The following PCDHA6 variants were observed in gnomAD, a reference collection of about 807,000 sequenced individuals.
PCDHA6 encodes the protein protocadherin alpha 6.
A neutral mutation model predicts 60.3 loss-of-function variants in PCDHA6; 55 were observed. The observed-to-expected ratio is 0.91, with a 90% confidence interval of 0.73 to 1.14. The LOEUF is 1.14. Ranked by LOEUF, PCDHA6 falls within the 50% of genes most tolerant of loss-of-function variation. The pLI is 0.00. For synonymous variants in PCDHA6, 652 were observed against 557.9 expected, an observed-to-expected ratio of 1.17 and a Z score of -2.38; for missense variants, 1,327 against 1,256.5, an observed-to-expected ratio of 1.06 and a Z score of -0.85.
At chr5:140,884,378 A>G (rs781954919) in intron 1 of PCDHA6, 3 of 1,613,952 alleles carry the variant, frequency 1.9e-6, no homozygotes, top group Non-Finnish European at 2.5e-6. Flanking sequence ...GATCATTGCC[A>G]TCTGCGCGGT....
chr5:140,969,117 A>G (rs1554231477), intron 1 of PCDHA6: 1 of 1,614,178 alleles, frequency 6.2e-7, no homozygotes, highest in Non-Finnish European at 8.5e-7. Context: ...GTTCGAGGGA[A>G]TGGCTCCCTC....
At chr5:141,007,258 A>G (rs1160413471) in intron 3 of PCDHA6, among the ~76,000 whole-genome samples, 1 of 152,110 alleles carries the variant, frequency 6.6e-6, no homozygotes, top group Non-Finnish European at 1.5e-5. Flanking sequence ...AGTTAAAAGA[A>G]GCAGATACAG....
In PCDHA6 at chr5:140,968,153, A is replaced by G; in HGVS notation, c.2395-10796A>G. 2 of 1,614,142 alleles carry G rather than the reference A, an allele frequency of 1.2e-6. No individual in the cohort carries two copies. The highest frequency in any genetic ancestry group is 8.5e-7 in the Non-Finnish European group (1 of 1,180,046). On this transcript the variant is annotated intron_variant, in intron 1 of 3. Coordinates refer to ENST00000529310, the MANE Select transcript of PCDHA6 (RefSeq NM_018909.4). ...ACTGAAGGTTGAGATCTCTGACATC[A>G]ATGACAATCCACCAAGCTTCCTGGA...
chr5:140,830,527 A>T (rs1409686582), intron 1 of PCDHA6, 42 bp downstream of exon 1: 11 of 1,307,954 alleles, frequency 8.4e-6, no homozygotes, highest in Non-Finnish European at 1.1e-5. Context: ...TTTATTTTAA[A>T]TTTATAATTG....
intron 1 of PCDHA6, among the ~76,000 whole-genome samples, chr5:140,838,604 C>G (rs1335900872): frequency 6.6e-6 from 1 of 151,900 alleles, no homozygotes; most frequent in Non-Finnish European, 1.5e-5. Context: ...ATTGTCTAGA[C>G]TTTTAAAAAT....
In PCDHA6 at chr5:140,828,480, C is replaced by T. The variant is rs2150155804; in HGVS notation, c.389C>T (p.Pro130Leu). 2 of 1,614,198 alleles carry T rather than the reference C, an allele frequency of 1.2e-6. No homozygotes were observed. Among genetic ancestry groups the T allele is most frequent in the Non-Finnish European group, 8.5e-7 (1 of 1,180,044 alleles). ...DVEVRDINDNPPLFPVEEQRV... is the reference protein window; with the variant it reads ...DVEVRDINDNLPLFPVEEQRV... ...GAGGTGAGGGACATTAACGACAACCCGCCCTTGTTCCCGGTAGAGGAACAA... is the reference window on the plus strand; with the variant it reads ...GAGGTGAGGGACATTAACGACAACCTGCCCTTGTTCCCGGTAGAGGAACAA... The change falls in exon 1 of 4, where the codon CCG becomes CTG. Residue 130 changes from proline (P) to leucine (L), a missense_variant. Pro to Leu is a moderately conservative substitution (Grantham distance 98). Transcript: ENST00000529310.
At chr5:140,895,968 G>C (rs190056652) in intron 1 of PCDHA6, among the ~76,000 whole-genome samples, 4 of 151,938 alleles carry the variant, frequency 2.6e-5, no homozygotes, top group African/African-American at 4.8e-5. Flanking sequence ...CTGTCACCAG[G>C]CCTAGCTAAT....
chr5:140,968,029 G>A, intron 1 of PCDHA6: 1 of 1,614,170 alleles, frequency 6.2e-7, no homozygotes, highest in Non-Finnish European at 8.5e-7. Context: ...CCTATACACT[G>A]GTGGTGAGCG....
At chr5:140,968,050 C>T (rs782392575) in intron 1 of PCDHA6, 12 of 1,614,178 alleles carry the variant, frequency 7.4e-6, no homozygotes, top group Admixed American at 1.7e-5. Flanking sequence ...GCCCACTGGA[C>T]CGAGAGCGGG....
intron 3 of PCDHA6, among the ~76,000 whole-genome samples, chr5:141,006,862 A>G (rs1188678069): frequency 4.6e-5 from 7 of 152,244 alleles, no homozygotes; most frequent in Non-Finnish European, 1.0e-4. Flanking sequence ...TTAGAAAGGA[A>G]TAGATTCGAG....
At position 140,869,969 on chromosome 5, in the gene PCDHA6, G is replaced by A. The variant is rs147407508; in HGVS notation, c.2394+39484G>A. 57 of 1,613,134 alleles carry A rather than the reference G, an allele frequency of 3.5e-5. No individual in the cohort carries two copies. In the African/African-American group the frequency reaches 7.1e-4, roughly 20 times the overall value. On this transcript the variant is annotated intron_variant, in intron 1 of 3. Coordinates refer to ENST00000529310, the MANE Select transcript of PCDHA6 (RefSeq NM_018909.4). Reference sequence around the variant, plus strand: ...TTAATGTCAATTAAGCCCAATGGAAGACACTTATTTACACTAGATCAAAAT... The same window carrying A: ...TTAATGTCAATTAAGCCCAATGGAAAACACTTATTTACACTAGATCAAAAT...
At chr5:140,839,582 G>T (rs965029185) in intron 1 of PCDHA6, among the ~76,000 whole-genome samples, 1 of 151,908 alleles carries the variant, frequency 6.6e-6, no homozygotes, top group Non-Finnish European at 1.5e-5. Context: ...TAGAGATGGG[G>T]TCTTACCATG....
rs144694616 is a variant in PCDHA6, at chr5:140,836,586, G to A, written c.2394+6101G>A. Reference sequence around the variant, plus strand: ...GTCCTCTGAGGGCGCATGTAGTTTGGTAAAGCCCACTCTGGTGTGCTCCAG... The same window carrying A: ...GTCCTCTGAGGGCGCATGTAGTTTGATAAAGCCCACTCTGGTGTGCTCCAG... On this transcript the variant is annotated intron_variant, in intron 1 of 3. Coordinates refer to ENST00000529310, the MANE Select transcript of PCDHA6 (RefSeq NM_018909.4). The A allele has an allele frequency of 3.1e-6, 5 of 1,613,634 alleles. 1 individual carries two copies. The highest frequency in any genetic ancestry group is 4.2e-6 in the Non-Finnish European group (5 of 1,179,854).
At chr5:140,856,349 T>C in intron 1 of PCDHA6, 1 of 1,598,368 alleles carries the variant, frequency 6.3e-7, no homozygotes, top group Non-Finnish European at 8.6e-7. Flanking sequence ...GAGCGTGGAG[T>C]GCAGCATCCA....
At chr5:140,863,386 T>A in intron 1 of PCDHA6, 1 of 1,032,574 alleles carries the variant, frequency 9.7e-7, no homozygotes, top group Non-Finnish European at 1.4e-6. Context: ...CGAGAGCTCG[T>A]GCATGCCGGG....
At chr5:140,941,255 C>CTTTCTTTCTTTCTCTT (rs782490896) in intron 1 of PCDHA6, among the ~76,000 whole-genome samples, 1 of 44,508 alleles carries the variant, frequency 2.2e-5, no homozygotes, top group East Asian at 7.5e-4. Context: ...TTCTTTCTTT[C>CTTTCTTTCTTTCTCTT]TCTTTCTTTC....
intron 1 of PCDHA6, chr5:140,968,527 G>A (rs782634339): frequency 9.3e-6 from 15 of 1,614,142 alleles, no homozygotes; most frequent in Middle Eastern, 1.6e-4. Flanking sequence ...CAACCAACTC[G>A]TCAGCAGCCT....
At position 140,842,829 on chromosome 5, in the gene PCDHA6, C is replaced by T. The variant is rs2150345601; in HGVS notation, c.2394+12344C>T. On this transcript the variant is annotated intron_variant, in intron 1 of 3. Transcript: ENST00000529310. Reference sequence around the variant, plus strand: ...GTGGAGCGGCGGGTGGGCGAGCGCTCGCTGTCGAGCTACATTTCGGTGCAC... The same window carrying T: ...GTGGAGCGGCGGGTGGGCGAGCGCTTGCTGTCGAGCTACATTTCGGTGCAC... 6.9e-5 allele frequency: 110 copies of T among 1,593,636 alleles called. 11 individuals carry two copies. The highest frequency in any genetic ancestry group is 9.4e-5 in the Non-Finnish European group (109 of 1,165,332).
At chr5:140,915,626 G>GTCTC (rs57920489) in intron 1 of PCDHA6, among the ~76,000 whole-genome samples, 42,931 of 146,342 alleles carry the variant, frequency 0.29, 6,396 homozygotes, top group East Asian at 0.48. Context: ...GTCTCTTTCT[G>GTCTC]TCTCTCTCTC....
Sources: gnomAD v4.1 joint callset for allele counts (sites outside exome capture counted in the v4.1 genomes callset) on GRCh38, gnomAD v4.1.1 for gene constraint, MANE v1.5 for transcripts, NCBI Gene and HGNC (gene_info 2026-07-23, HGNC 2026-07-21) for gene names.